Variants in APC2 observed in about 807,000 individuals in gnomAD.
The protein encoded by APC2 is adenomatous polyposis coli protein 2.
Under a neutral mutation model 72.5 loss-of-function variants are expected in APC2, and 41 were observed. The ratio of observed to expected loss-of-function variants is 0.57; its 90% confidence interval spans 0.44 to 0.73. The LOEUF is 0.73. Among genes scored for constraint, APC2 ranks in the 30% least tolerant of loss-of-function variants. APC2 has a pLI of 0.00. For synonymous variants in APC2, 1,898 were observed against 1,612.0 expected (o/e 1.18, Z -4.25); for missense variants, 3,729 against 3,403.4 (o/e 1.10, Z -2.38).
In APC2 at chr19:1,458,056, G is replaced by A; in HGVS notation, c.1299G>A (p.Glu433=). The A allele has an allele frequency of 6.4e-7, 1 of 1,560,698 alleles. No individual in the cohort carries two copies. Among genetic ancestry groups the A allele is most frequent in the South Asian group, 1.2e-5 (1 of 84,728 alleles). ...AGGAGTACCGCCGTGCCATGAACGA[G>A]CTAGGTGAGTGTCCCAGGTCCTCTG... The part of the protein sequence containing the change: ...FDEEYRRAMN[E]LGGLQAVAEL... Residue 433 remains glutamate, a synonymous_variant, in exon 10 of 15, where the codon GAG becomes GAA. Transcript: ENST00000590469.
In APC2 at chr19:1,469,339, C is replaced by T; in HGVS notation, c.6038C>T (p.Ser2013Leu). Residue 2013 changes from serine to leucine, a missense_variant, in exon 15 of 15, where the codon TCG becomes TTG. Transcript: ENST00000590469. ...GLRRRRSELS[S>L]AESAASAPQG... The stretch of plus-strand genomic sequence containing the variant: ...CGGCGCCGCCGCTCCGAGCTGTCCT[C>T]GGCCGAGTCCGCGGCCTCTGCCCCC... 1 of 1,365,030 alleles carries T rather than the reference C, an allele frequency of 7.3e-7. No homozygotes were observed. The highest frequency in any genetic ancestry group is 3.5e-5 in the East Asian group (1 of 28,244). 84.6% of individuals were successfully genotyped at this position (1,365,030 alleles called of 1,614,324 possible).
chr19:1,465,744 G>A lies in APC2; in HGVS notation c.2443G>A (p.Ala815Thr), dbSNP rs772948411. The change falls in exon 15 of 15, where the codon GCG (alanine) becomes ACG (threonine). Residue 815 changes from alanine (A) to threonine (T), a missense_variant. Transcript: ENST00000590469. ...GGGCAGCCCCTTCCTGCAGGGGCAG[G>A]CGCTGGCTCGCACCCCGCCCACCCG... ...FLGSPFLQGQ[A>T]LARTPPTRRG... 16 of 1,538,196 alleles carry A rather than the reference G, an allele frequency of 1.0e-5. No individual in the cohort carries two copies. The African/African-American group carries it at 1.9e-4, about 18-fold the overall frequency.
In APC2 at chr19:1,469,982, C is replaced by T; in HGVS notation, c.6681C>T (p.Gly2227=). Residue 2227 remains glycine (G), a synonymous_variant, in exon 15 of 15, where the codon GGC becomes GGT. Coordinates refer to ENST00000590469, the MANE Select transcript of APC2 (RefSeq NM_005883.3). The part of the protein sequence containing the change: ...APAGGQLSLL[G]SDVDGPSLAK... ...CCGGCGGCCAGCTCTCCCTCCTCGGCAGCGACGTGGACGGTCCCAGCCTCG... is the reference window on the plus strand; with the variant it reads ...CCGGCGGCCAGCTCTCCCTCCTCGGTAGCGACGTGGACGGTCCCAGCCTCG... 2 of 1,526,790 alleles carry T rather than the reference C, an allele frequency of 1.3e-6. No homozygotes were observed. Among genetic ancestry groups the T allele is most frequent in the Non-Finnish European group, 1.8e-6 (2 of 1,142,200 alleles). The allele number at this position is 1,526,790 out of a possible 1,614,324, so 94.6% of individuals were successfully genotyped here.
rs2084086969 is a variant in APC2, at chr19:1,469,250, C to G, written c.5949C>G (p.Ser1983Arg). ...TGGCCTCAGCCCTCTCCAGCGGCAG[C>G]GAGTCCTCCGACCGCTCGGGCTTCC... ...VRVASALSSGSESSDRSGFRR... is the reference protein window; with the variant it reads ...VRVASALSSGRESSDRSGFRR... Residue 1983 changes from serine (S) to arginine (R), a missense_variant, in exon 15 of 15, where the codon AGC (serine) becomes AGG (arginine). Coordinates refer to ENST00000590469, the MANE Select transcript of APC2 (RefSeq NM_005883.3). The G allele has an allele frequency of 7.0e-7, 1 of 1,426,430 alleles. No individual in the cohort carries two copies. The highest frequency in any genetic ancestry group is 1.5e-5 in the African/African-American group (1 of 66,700). 88.4% of individuals were successfully genotyped at this position (1,426,430 alleles called of 1,614,324 possible). A position where few individuals can be genotyped will look rare whatever the true frequency, so the allele number is the denominator to read the frequency against.
At chr19:1,461,412 TA>T in intron 13 of APC2, 37 of 526,038 alleles carry the variant, frequency 7.0e-5, no homozygotes, top group Middle Eastern at 5.1e-4. Flanking sequence ...CCATCTCTAC[TA>T]AAAAAAACAG....
rs760056307 is a variant in APC2, at chr19:1,457,926, C to T, written c.1208-39C>T. ...CTTCGGGAGTCACCTGGGACATTTC[C>T]TGGGAATGGGGGCTCTGATCTGGTC... On this transcript the variant is annotated intron_variant, in intron 9 of 14. Coordinates refer to ENST00000590469, the MANE Select transcript of APC2 (RefSeq NM_005883.3). 1.8e-5 allele frequency: 26 copies of T among 1,485,158 alleles called. 1 individual carries two copies. Among genetic ancestry groups the T allele is most frequent in the South Asian group, 6.0e-5 (5 of 82,842 alleles). 92.0% of individuals were successfully genotyped at this position (1,485,158 alleles called of 1,614,324 possible).
chr19:1,460,628 C>G (rs962888216), intron 11 of APC2, 152 bp from the exon 12 acceptor site: 1 of 920,990 alleles, frequency 1.1e-6, no homozygotes, highest in Non-Finnish European at 1.6e-6. Context: ...CTCAGTTTCC[C>G]GACCTGAGCA....
chr19:1,452,914 C>A lies in APC2; in HGVS notation c.-18-70C>A, dbSNP rs574828797. On this transcript the variant is annotated intron_variant, in intron 1 of 14. Transcript: ENST00000590469. This position sits in a 1 kb window ranked among gnomAD's most constrained non-coding sequence, Gnocchi z 5.1. ...GACGGCTGGGGCTTAGGTCAGGGGC[C>A]GTCTGTCCGGAAGGCATCACCGCGC... 55 of 1,526,396 alleles carry A rather than the reference C, an allele frequency of 3.6e-5. No individual in the cohort carries two copies. The Admixed American group carries it at 1.0e-3, about 28-fold the overall frequency. The allele number at this position is 1,526,396 out of a possible 1,614,324, so 94.6% of individuals were successfully genotyped here.
At chr19:1,448,297 C>T (rs2083704616), upstream of APC2, among the ~76,000 whole-genome samples, 1 of 152,070 alleles carries the variant, frequency 6.6e-6, no homozygotes, top group Non-Finnish European at 1.5e-5. Flanking sequence ...TTCCAGCCTC[C>T]AGAAAAAAAT....
Position 1,468,165 on chromosome 19 carries a change from C to T in APC2, c.4864C>T (p.Pro1622Ser), listed in dbSNP as rs1360276619. ...PGGGRDSSPSPRAAEELLQRC... is the reference protein window; with the variant it reads ...PGGGRDSSPSSRAAEELLQRC... ...AGGCGGACGCGACAGCTCGCCCAGC[C>T]CGCGGGCCGCGGAGGAGCTTCTGCA... The change falls in exon 15 of 15, where the codon CCG becomes TCG. Residue 1622 changes from proline (P) to serine (S), a missense_variant. Coordinates refer to ENST00000590469, the MANE Select transcript of APC2 (RefSeq NM_005883.3). 6.9e-7 allele frequency: 1 copy of T among 1,455,294 alleles called. No homozygotes were observed. Among genetic ancestry groups the T allele is most frequent in the South Asian group, 1.4e-5 (1 of 73,150 alleles). 90.1% of individuals were successfully genotyped at this position (1,455,294 alleles called of 1,614,324 possible). A position where few individuals can be genotyped will look rare whatever the true frequency, so the allele number is the denominator to read the frequency against.
In APC2 at chr19:1,466,456, G is replaced by A; in HGVS notation, c.3155G>A (p.Ser1052Asn). The A allele has an allele frequency of 6.3e-7, 1 of 1,597,982 alleles. No homozygotes were observed. Among genetic ancestry groups the A allele is most frequent in the South Asian group, 1.1e-5 (1 of 90,910 alleles). The change falls in exon 15 of 15, where the codon AGC becomes AAC. Residue 1052 changes from serine (S) to asparagine (N), a missense_variant. Physicochemically the swap from Ser to Asn is conservative, Grantham distance 46 (BLOSUM62 1). Transcript: ENST00000590469. ...GCGGCTGCCCCGCTGTCTGTGGCCA[G>A]CAAGGCACTGCAGAAACTGGCGGCG... ...KLAAAPLSVA[S>N]KALQKLAAQE...
chr19:1,465,589 A>G lies in APC2; in HGVS notation c.2288A>G (p.His763Arg). ...AAGAAGCCGCTGCCGCCCCTGCGAC[A>G]CCTGGACGGCCTGGCCCAAGACTAT... Reference protein sequence around the residue: ...ATKKPLPPLRHLDGLAQDYAS... With the variant: ...ATKKPLPPLRRLDGLAQDYAS... Residue 763 changes from histidine (H) to arginine (R), a missense_variant, in exon 15 of 15, where the codon CAC becomes CGC. Coordinates refer to ENST00000590469, the MANE Select transcript of APC2 (RefSeq NM_005883.3). 6.3e-7 allele frequency: 1 copy of G among 1,580,266 alleles called. No homozygotes were observed. Among genetic ancestry groups the G allele is most frequent in the Non-Finnish European group, 8.6e-7 (1 of 1,165,012 alleles).
At position 1,467,503 on chromosome 19, in the gene APC2, C is replaced by T; in HGVS notation, c.4202C>T (p.Ser1401Phe). The stretch of plus-strand genomic sequence containing the variant: ...GCGGAGGGCACGCCGGTCAACTTCT[C>T]TAGCGCCGCCTCGCTCAGCGACGAG... ...DSAEGTPVNF[S>F]SAASLSDETL... Residue 1401 changes from serine to phenylalanine, a missense_variant, in exon 15 of 15, where the codon TCT (serine) becomes TTT (phenylalanine). Transcript: ENST00000590469. 1.4e-6 allele frequency: 2 copies of T among 1,463,286 alleles called. No homozygotes were observed. The highest frequency in any genetic ancestry group is 1.8e-6 in the Non-Finnish European group (2 of 1,110,374). 90.6% of individuals were successfully genotyped at this position (1,463,286 alleles called of 1,614,324 possible).
rs2084148042 is a variant in APC2 at position 1,472,322 on chromosome 19, C to G, written c.*2109C>G. ...GTAGGGAAATGGCGAAGCCAGCCACCAGGTCGCTGGTGACAGGGCCAGGGT... is the reference window on the plus strand; with the variant it reads ...GTAGGGAAATGGCGAAGCCAGCCACGAGGTCGCTGGTGACAGGGCCAGGGT... On this transcript the variant is annotated 3_prime_UTR_variant, in exon 15 of 15. Transcript: ENST00000590469. 1 of 152,328 alleles carries G rather than the reference C, an allele frequency of 6.6e-6. No homozygotes were observed. The highest frequency in any genetic ancestry group is 1.5e-5 in the Non-Finnish European group (1 of 68,088). 9.4% of individuals were successfully genotyped at this position (152,328 alleles called of 1,614,324 possible).
chr19:1,472,361 G>A lies in APC2; in HGVS notation c.*2148G>A, dbSNP rs1226906402. 6.6e-6 allele frequency: 1 copy of A among 152,330 alleles called. No individual in the cohort carries two copies. The highest frequency in any genetic ancestry group is 1.5e-5 in the Non-Finnish European group (1 of 68,092). 9.4% of individuals were successfully genotyped at this position (152,330 alleles called of 1,614,324 possible). Reference sequence around the variant, plus strand: ...CAGGGCCAGGGTTATGCAGGAAGGTGGTGCGGCATTGCCTTCCACATATGT... The same window carrying A: ...CAGGGCCAGGGTTATGCAGGAAGGTAGTGCGGCATTGCCTTCCACATATGT... On this transcript the variant is annotated 3_prime_UTR_variant, in exon 15 of 15. Transcript: ENST00000590469.
rs1180733575 is a variant in APC2 at position 1,453,563 on chromosome 19, A to G, written c.365A>G (p.Glu122Gly). 3.1e-6 allele frequency: 5 copies of G among 1,610,724 alleles called. No homozygotes were observed. The highest frequency in any genetic ancestry group is 4.2e-6 in the Non-Finnish European group (5 of 1,179,184). Residue 122 changes from glutamate (E) to glycine (G), a missense_variant, in exon 4 of 15, where the codon GAG becomes GGG. Glu to Gly is a moderately conservative substitution (Grantham distance 98). Transcript: ENST00000590469. ...GGGCCCTCCAAGGACAGCTTTGGGG[A>G]GCTGAGCCGGGCCACCATCCGGCTG... is the stretch of plus-strand genomic sequence containing the variant. ...GSGPSKDSFG[E>G]LSRATIRLLE...
At position 1,471,534 on chromosome 19, in the gene APC2, G is replaced by A. The variant is rs1373197884; in HGVS notation, c.*1321G>A. On this transcript the variant is annotated 3_prime_UTR_variant, in exon 15 of 15. Transcript: ENST00000590469. ...CTCCTGCGTGGGGTGGGACTCGCAG[G>A]GGCCGGGTCTCCGTGACTGGGGCAA... The A allele has an allele frequency of 6.6e-6, 1 of 152,274 alleles. No homozygotes were observed. Among genetic ancestry groups the A allele is most frequent in the East Asian group, 1.9e-4 (1 of 5,184 alleles). The allele number at this position is 152,274 out of a possible 1,614,324, so 9.4% of individuals were successfully genotyped here. A position where few individuals can be genotyped will look rare whatever the true frequency, so the allele number is the denominator to read the frequency against.
At chr19:1,456,447 C>A in intron 8 of APC2, 43 bp downstream of exon 8, 1 of 1,523,128 alleles carries the variant, frequency 6.6e-7, no homozygotes. Flanking sequence ...GCTGTCTGGG[C>A]TGGAAGGGGG....
At chr19:1,453,179 G>A (rs569977037) in intron 2 of APC2, 37 bp downstream of exon 2, 8 of 1,578,232 alleles carry the variant, frequency 5.1e-6, no homozygotes, top group East Asian at 2.3e-5. Context: ...CTAGGGTCCC[G>A]GGGTGGTGCC....
Sources: allele counts gnomAD v4.1 joint callset (sites outside exome capture counted in the v4.1 genomes callset), GRCh38; gene constraint gnomAD v4.1.1; non-coding constraint Gnocchi (gnomAD v3.1); transcripts MANE v1.5; gene names NCBI Gene and HGNC (gene_info 2026-07-23, HGNC 2026-07-21).